Variants in PDLIM5 observed in about 807,000 individuals in gnomAD.
The protein encoded by PDLIM5 is PDZ and LIM domain protein 5.
PDLIM5 carries 34 observed loss-of-function variants against 64.2 expected under a neutral mutation model. The observed-to-expected ratio is 0.53, with a 90% CI of 0.40 to 0.71. PDLIM5 has a LOEUF of 0.71. Ranked by LOEUF, PDLIM5 falls within the 30% of genes least tolerant of loss-of-function variation. PDLIM5 has a pLI of 0.00. For synonymous variants in PDLIM5, 253 were observed against 269.1 expected (o/e 0.94, Z 0.59); for missense variants, 683 against 733.6 (o/e 0.93, Z 0.80).
At chr4:94,591,517 C>T (rs560679514) in intron 7 of PDLIM5, among the ~76,000 whole-genome samples, 1 of 152,302 alleles carries the variant, frequency 6.6e-6, no homozygotes, top group South Asian at 2.1e-4. Context: ...CACGTGCCAG[C>T]CCCTTCACAA....
At chr4:94,661,181 G>A (rs1013186767) in intron 11 of PDLIM5, among the ~76,000 whole-genome samples, 1 of 152,166 alleles carries the variant, frequency 6.6e-6, no homozygotes, top group African/African-American at 2.4e-5. Context: ...TTGAGGTCAT[G>A]AGTTCAAAAC....
In PDLIM5 at chr4:94,618,083, A is replaced by C; in HGVS notation, c.1000A>C (p.Thr334Pro). The C allele has an allele frequency of 6.2e-7, 1 of 1,612,196 alleles. No individual in the cohort carries two copies. Among genetic ancestry groups the C allele is most frequent in the Non-Finnish European group, 8.5e-7 (1 of 1,179,126 alleles). ...CATGCCCGAGAGCCTGGACAGCCCAACCTCTGGCAGACCAGGGGTTACCAG... is the reference window on the plus strand; with the variant it reads ...CATGCCCGAGAGCCTGGACAGCCCACCCTCTGGCAGACCAGGGGTTACCAG... ...RSMPESLDSPTSGRPGVTSLT... is the reference protein window; with the variant it reads ...RSMPESLDSPPSGRPGVTSLT... Residue 334 changes from threonine to proline, a missense_variant, in exon 8 of 13, where the codon ACC (threonine) becomes CCC (proline). Coordinates refer to ENST00000317968, the MANE Select transcript of PDLIM5 (RefSeq NM_006457.5).
intron 9 of PDLIM5, among the ~76,000 whole-genome samples, chr4:94,643,066 A>T (rs1398139040): frequency 1.3e-5 from 2 of 151,808 alleles, no homozygotes; most frequent in African/African-American, 2.4e-5. Flanking sequence ...TATTTTATTT[A>T]TTTTTTTTTT....
chr4:94,596,535 GT>G (rs879501673), intron 7 of PDLIM5, among the ~76,000 whole-genome samples: 56 of 146,832 alleles, frequency 3.8e-4, no homozygotes, highest in Admixed American at 1.6e-3. Context: ...CTGCACTTTA[GT>G]TTTTTTTTTT....
At chr4:94,637,223 G>C (rs1354502325) in intron 8 of PDLIM5, among the ~76,000 whole-genome samples, 1 of 152,074 alleles carries the variant, frequency 6.6e-6, no homozygotes. Flanking sequence ...TTAAAAAAGT[G>C]GTACTAATAA....
intron 9 of PDLIM5, among the ~76,000 whole-genome samples, chr4:94,643,481 C>T (rs866370024): frequency 6.6e-5 from 10 of 152,126 alleles, no homozygotes; most frequent in South Asian, 2.1e-4. Context: ...TTTCAGTTTC[C>T]GTGGTAGAAT....
intron 8 of PDLIM5, among the ~76,000 whole-genome samples, chr4:94,634,537 C>T (rs1740403938): frequency 6.6e-6 from 1 of 152,162 alleles, no homozygotes; most frequent in Non-Finnish European, 1.5e-5. Context: ...TAAAGTTTGA[C>T]AGGATGTAGT....
At chr4:94,616,113 T>A (rs1394512030) in intron 7 of PDLIM5, among the ~76,000 whole-genome samples, 3 of 152,220 alleles carry the variant, frequency 2.0e-5, no homozygotes. Context: ...TATTTTTGTT[T>A]CATCTATAAT....
chr4:94,549,308 C>A (rs1217103997), intron 3 of PDLIM5, among the ~76,000 whole-genome samples: 1 of 152,140 alleles, frequency 6.6e-6, no homozygotes, highest in Admixed American at 6.5e-5. Flanking sequence ...TCGATGTATG[C>A]ATTCTCATTC....
chr4:94,660,150 G>A (rs371030563), intron 11 of PDLIM5, among the ~76,000 whole-genome samples: 14 of 150,208 alleles, frequency 9.3e-5, no homozygotes, highest in African/African-American at 3.2e-4. Context: ...CACCTGCCTC[G>A]GCCTCCCAAA....
At chr4:94,539,388 A>T (rs2110177872) in intron 3 of PDLIM5, among the ~76,000 whole-genome samples, 1 of 152,326 alleles carries the variant, frequency 6.6e-6, no homozygotes, top group African/African-American at 2.4e-5. Context: ...GGAAGAATGC[A>T]GAAGAGGATT....
chr4:94,468,352 C>T (rs1724556739), intron 2 of PDLIM5, among the ~76,000 whole-genome samples: 1 of 152,154 alleles, frequency 6.6e-6, no homozygotes, highest in African/African-American at 2.4e-5. Flanking sequence ...TGAGCTCTTG[C>T]TTTGTTGCCC....
At chr4:94,543,711 C>T (rs909203171) in intron 3 of PDLIM5, among the ~76,000 whole-genome samples, 4 of 151,486 alleles carry the variant, frequency 2.6e-5, no homozygotes, top group Admixed American at 1.3e-4. Context: ...ACATAATGTC[C>T]TCCAGGTTCA....
At chr4:94,540,543 G>A (rs1488233611) in intron 3 of PDLIM5, among the ~76,000 whole-genome samples, 1 of 152,154 alleles carries the variant, frequency 6.6e-6, no homozygotes, top group Non-Finnish European at 1.5e-5. Flanking sequence ...AGAGAAAAAA[G>A]AGACCAGTTA....
intron 2 of PDLIM5, among the ~76,000 whole-genome samples, chr4:94,508,439 C>T (rs1425365847): frequency 6.6e-6 from 1 of 152,220 alleles, no homozygotes; most frequent in Non-Finnish European, 1.5e-5. Flanking sequence ...AGGTCAGAAA[C>T]TTGGCTCCTT....
intron 2 of PDLIM5, among the ~76,000 whole-genome samples, chr4:94,521,762 A>G (rs1729849305): frequency 6.6e-6 from 1 of 152,064 alleles, no homozygotes. Flanking sequence ...CACTTAGAAC[A>G]AATGCCCATA....
At chr4:94,459,571 C>T (rs1186168405) in intron 2 of PDLIM5, among the ~76,000 whole-genome samples, 1 of 152,164 alleles carries the variant, frequency 6.6e-6, no homozygotes, top group East Asian at 1.9e-4. Context: ...TATAGTAATA[C>T]TTCCTAGAAG....
chr4:94,484,580 A>T (rs1368968926), intron 2 of PDLIM5, among the ~76,000 whole-genome samples: 1 of 152,166 alleles, frequency 6.6e-6, no homozygotes, highest in Non-Finnish European at 1.5e-5. Flanking sequence ...AGGAATTATC[A>T]TTCTCATTTT....
intron 3 of PDLIM5, among the ~76,000 whole-genome samples, chr4:94,558,039 G>T (rs1733508182): frequency 6.6e-6 from 1 of 152,034 alleles, no homozygotes; most frequent in South Asian, 2.1e-4. Flanking sequence ...TATTGGCTGT[G>T]AGTTTGTCAT....
Sources: gnomAD v4.1 joint callset for allele counts (sites outside exome capture counted in the v4.1 genomes callset) on GRCh38, gnomAD v4.1.1 for gene constraint, MANE v1.5 for transcripts, NCBI Gene and HGNC (gene_info 2026-07-23, HGNC 2026-07-21) for gene names.